The following MAD2L2 variants were observed in gnomAD, a reference collection of about 807,000 sequenced individuals.
MAD2L2 encodes mitotic spindle assembly checkpoint protein MAD2B.
Under a neutral mutation model 30.5 loss-of-function variants are expected in MAD2L2, and 17 were observed. That is an observed-to-expected ratio of 0.56 (90% CI 0.38 to 0.84). The LOEUF (loss-of-function observed/expected upper bound fraction) is 0.84, where lower values mean the gene tolerates loss of function less well. Ranked by LOEUF, MAD2L2 falls within the 40% of genes least tolerant of loss-of-function variation. The pLI, the probability that MAD2L2 is intolerant of heterozygous loss-of-function variation, is 0.00. For missense variants in MAD2L2, 213 were observed against 277.4 expected, an observed-to-expected ratio of 0.77 and a Z score of 1.65; for synonymous variants, 101 against 113.9, an observed-to-expected ratio of 0.89 and a Z score of 0.72.
intron 1 of MAD2L2, 163 bp from the exon 2 acceptor site, chr1:11,680,776 G>C: frequency 7.4e-7 from 1 of 1,354,410 alleles, no homozygotes. Flanking sequence ...CCCCCACGCT[G>C]GCGTCCGTGC....
At position 11,691,138 on chromosome 1, in the gene MAD2L2, G is replaced by A. The variant is rs1435509205; in HGVS notation, c.-692+275C>T. On this transcript the variant is annotated intron_variant, in intron 1 of 10. Transcript: ENST00000235310. ...CACTTTCTGCGGCTACAAAGGCCCC[G>A]CCGTTCCCCGTCCCGCCTCCCCCGC... is the stretch of plus-strand genomic sequence containing the variant. 1.4e-4 allele frequency among the ~76,000 whole-genome samples: 22 copies of A among 152,232 alleles called. 1 individual carries two copies. The East Asian group carries it at 4.1e-3, about 28-fold the overall frequency.
At chr1:11,681,666 C>A (rs1422366539), upstream of MAD2L2, 1 of 152,282 alleles carries the variant, frequency 6.6e-6, no homozygotes, top group African/African-American at 2.4e-5. Flanking sequence ...CACCGGGTAC[C>A]TAAATGCAGC....
upstream of MAD2L2, among the ~76,000 whole-genome samples, chr1:11,683,296 G>A (rs61773909): frequency 9.9e-5 from 15 of 152,280 alleles, no homozygotes; most frequent in African/African-American, 3.4e-4. Context: ...AGCTAAGAAC[G>A]TCAGAAAAAC....
chr1:11,680,809 A>C, intron 1 of MAD2L2, 196 bp from the exon 2 acceptor site: 1 of 1,260,172 alleles, frequency 7.9e-7, no homozygotes, highest in South Asian at 2.7e-5. Flanking sequence ...GCCTCTATCC[A>C]CTGGCCGCCC....
chr1:11,682,551 C>T (rs79241837), upstream of MAD2L2, among the ~76,000 whole-genome samples: 1,619 of 149,856 alleles, frequency 0.011, 8 homozygotes, highest in Middle Eastern at 0.028. Flanking sequence ...GTCAGCAAAA[C>T]ATTTCTTCAA....
In MAD2L2 at chr1:11,680,590, G is replaced by T. The variant is rs199649788; in HGVS notation, c.12C>A (p.Leu4=). MTT[L]TRQDLNFGQV... The stretch of plus-strand genomic sequence containing the variant: ...GGCCAAAGTTGAGGTCTTGTCGTGT[G>T]AGCGTGGTCATCCTTCCCGCTACCT... Residue 4 remains leucine (L), a synonymous_variant, in exon 2 of 9, where the codon CTC becomes CTA. Coordinates refer to ENST00000376692, the MANE Select transcript of MAD2L2 (RefSeq NM_006341.4). 29 of 1,578,530 alleles carry T rather than the reference G, an allele frequency of 1.8e-5. No homozygotes were observed. In the East Asian group the frequency reaches 5.7e-4, roughly 31 times the overall value.
chr1:11,686,465 C>T (rs182071602), intron 1 of MAD2L2, among the ~76,000 whole-genome samples: 6 of 152,294 alleles, frequency 3.9e-5, no homozygotes, highest in African/African-American at 1.4e-4. Flanking sequence ...GACAGGGTCT[C>T]GCTGTGTTAC....
At chr1:11,689,970 G>C (rs1641032133) in intron 1 of MAD2L2, among the ~76,000 whole-genome samples, 1 of 151,778 alleles carries the variant, frequency 6.6e-6, no homozygotes, top group African/African-American at 2.4e-5. Flanking sequence ...TCTTCTGCTT[G>C]CAAGTCTTCT....
At chr1:11,677,222 C>G (rs1290352786) in intron 4 of MAD2L2, 7 of 601,530 alleles carry the variant, frequency 1.2e-5, no homozygotes, top group Non-Finnish European at 2.0e-5. Flanking sequence ...CCCTGAGGGG[C>G]TCAGCTCAGA....
At chr1:11,683,349 C>A (rs1290171632), upstream of MAD2L2, among the ~76,000 whole-genome samples, 1 of 152,226 alleles carries the variant, frequency 6.6e-6, no homozygotes, top group Non-Finnish European at 1.5e-5. Flanking sequence ...CTTGGGGAAA[C>A]TGAGGTCCCA....
chr1:11,679,628 G>T (rs1640831907), intron 3 of MAD2L2, among the ~76,000 whole-genome samples: 1 of 151,060 alleles, frequency 6.6e-6, no homozygotes, highest in South Asian at 2.1e-4. Context: ...CCGGGTTCAA[G>T]CGAGTCTCCT....
Position 11,674,835 on chromosome 1 carries a change from C to G in MAD2L2, c.595-19G>C, listed in dbSNP as rs921343992. 1.2e-6 allele frequency: 2 copies of G among 1,613,534 alleles called. No homozygotes were observed. The highest frequency in any genetic ancestry group is 1.7e-5 in the Admixed American group (1 of 60,010). On this transcript the variant is annotated intron_variant, in intron 8 of 8. Transcript: ENST00000376692. This position sits in a 1 kb window ranked among gnomAD's most constrained non-coding sequence, Gnocchi z 6.1. ...GCTGCATCTGACGGACACAAGCAAACAGCCACAGTCAGCAAGACAGCCAGG... is the reference window on the plus strand; with the variant it reads ...GCTGCATCTGACGGACACAAGCAAAGAGCCACAGTCAGCAAGACAGCCAGG...
intron 1 of MAD2L2, among the ~76,000 whole-genome samples, chr1:11,689,621 G>A (rs748265021): frequency 5.9e-5 from 9 of 152,098 alleles, no homozygotes; most frequent in Non-Finnish European, 1.3e-4. Flanking sequence ...GCGGGGGGAG[G>A]GGAGAAGCAT....
At chr1:11,677,122 T>C (rs1001124621) in intron 4 of MAD2L2, 174 bp from the exon 5 acceptor site, 34 of 652,160 alleles carry the variant, frequency 5.2e-5, no homozygotes, top group Non-Finnish European at 8.7e-5. Flanking sequence ...GCCGGCACCC[T>C]CCAGCATGAG....
At chr1:11,676,583 G>A (rs760306841) in intron 5 of MAD2L2, among the ~76,000 whole-genome samples, 1 of 152,214 alleles carries the variant, frequency 6.6e-6, no homozygotes, top group Non-Finnish European at 1.5e-5. Context: ...TCAACTTCGA[G>A]TTGACTGGAC....
upstream of MAD2L2, among the ~76,000 whole-genome samples, chr1:11,685,038 C>CT (rs1640935551): frequency 6.6e-6 from 1 of 152,058 alleles, no homozygotes; most frequent in East Asian, 1.9e-4. Flanking sequence ...AGGGATCCTC[C>CT]TACCTCAGCC....
chr1:11,683,681 AC>A (rs1378748009), upstream of MAD2L2, among the ~76,000 whole-genome samples: 3 of 152,078 alleles, frequency 2.0e-5, no homozygotes, highest in African/African-American at 7.2e-5. Flanking sequence ...TTAAAAAAAA[AC>A]GTCAGCTGGG....
In MAD2L2 at chr1:11,690,989, C is replaced by T. The variant is rs1431265359; in HGVS notation, c.-692+424G>A. 6.6e-6 allele frequency among the ~76,000 whole-genome samples: 1 copy of T among 152,112 alleles called. No individual in the cohort carries two copies. The highest frequency in any genetic ancestry group is 1.5e-5 in the Non-Finnish European group (1 of 67,990). On this transcript the variant is annotated intron_variant, in intron 1 of 10. Transcript: ENST00000235310. This position sits in a 1 kb window ranked among gnomAD's most constrained non-coding sequence, Gnocchi z 4.2. ...TGGGGCGGTTGTCTTTCTCCCTTCC[C>T]TACCGGGAAAGAGGGCACAGGTGCG...
At chr1:11,680,278 GAGCCACGGCGC>G in intron 3 of MAD2L2, 64 bp downstream of exon 3, 2 of 590,056 alleles carry the variant, frequency 3.4e-6, no homozygotes, top group Non-Finnish European at 5.0e-6. Flanking sequence ...TTACAGGCGT[GAGCCACGGCGC>G]CCGACCAAAG....
Sources: gnomAD v4.1 joint callset for allele counts (sites outside exome capture counted in the v4.1 genomes callset) on GRCh38, gnomAD v4.1.1 for gene constraint, Gnocchi (gnomAD v3.1) non-coding constraint, MANE v1.5 for transcripts, NCBI Gene and HGNC (gene_info 2026-07-23, HGNC 2026-07-21) for gene names.